DMTF1: variants seen among roughly 807,000 people sequenced by gnomAD.
DMTF1 encodes cyclin-D-binding Myb-like transcription factor 1.
A neutral mutation model predicts 91.1 loss-of-function variants in DMTF1; 39 were observed. The ratio of observed to expected loss-of-function variants is 0.43; its 90% CI spans 0.33 to 0.56. DMTF1 has a LOEUF of 0.56. Ranked by LOEUF, DMTF1 falls within the 20% of genes least tolerant of loss-of-function variation. DMTF1 has a pLI of 0.05. For synonymous variants in DMTF1, 338 were observed against 309.5 expected (o/e 1.09, Z -0.97); for missense variants, 750 against 914.5 (o/e 0.82, Z 2.32).
intron 7 of DMTF1, 21 bp from the exon 8 acceptor site, chr7:87,179,524 A>G (rs1373268754): frequency 6.7e-7 from 1 of 1,485,668 alleles, no homozygotes; most frequent in Non-Finnish European, 8.9e-7. Flanking sequence ...TCCCTAAATC[A>G]AAGAAATGTA....
At chr7:87,164,350 A>G (rs1013540543) in intron 2 of DMTF1, 1 of 152,172 alleles carries the variant, frequency 6.6e-6, no homozygotes, top group Admixed American at 6.5e-5. Context: ...ACTTTGAACG[A>G]TGTTCAAAGT....
At chr7:87,194,650 T>G in intron 16 of DMTF1, 34 bp from the exon 17 acceptor site, 1 of 1,518,592 alleles carries the variant, frequency 6.6e-7, no homozygotes. Flanking sequence ...CTAGTAAGAA[T>G]ATGAGTCAAT....
Position 87,195,190 on chromosome 7 carries a change from TACAACCTCTTC to T in DMTF1, c.*52_*62del, listed in dbSNP as rs1801007702. On this transcript the variant is annotated 3_prime_UTR_variant, in exon 18 of 18. Coordinates refer to ENST00000331242, the MANE Select transcript of DMTF1 (RefSeq NM_001142327.2). ...CAAGCAAAGAAGGCACACTGTTAATTACAACCTCTTCAAAGAAATAGGAGCAACCCCCAAGA... is the reference window on the plus strand; with the variant it reads ...CAAGCAAAGAAGGCACACTGTTAATTAAAGAAATAGGAGCAACCCCCAAGA... 3 of 1,317,468 alleles carry T rather than the reference TACAACCTCTTC, an allele frequency of 2.3e-6. No individual in the cohort carries two copies. The highest frequency in any genetic ancestry group is 3.3e-6 in the Non-Finnish European group (3 of 919,744). 81.6% of individuals were successfully genotyped at this position (1,317,468 alleles called of 1,614,324 possible).
At chr7:87,169,444 C>T (rs1463621137) in intron 4 of DMTF1, among the ~76,000 whole-genome samples, 1 of 152,168 alleles carries the variant, frequency 6.6e-6, no homozygotes, top group Admixed American at 6.5e-5. Flanking sequence ...GGCAACAGAA[C>T]AAGATCCTGT....
In DMTF1 at chr7:87,182,042, T is replaced by G. The variant is rs768839137; in HGVS notation, c.711-186T>G. ...GAAAAAGGCAATTGCTGCCTGTTTTTTTTTCACCCACAGACAACTGTGGAC... is the reference window on the plus strand; with the variant it reads ...GAAAAAGGCAATTGCTGCCTGTTTTGTTTTCACCCACAGACAACTGTGGAC... On this transcript the variant is annotated intron_variant, in intron 9 of 17. Coordinates refer to ENST00000331242, the MANE Select transcript of DMTF1 (RefSeq NM_001142327.2). The G allele has an allele frequency of 2.0e-6, 3 of 1,531,674 alleles. No individual in the cohort carries two copies. The South Asian group carries it at 3.6e-5, about 19-fold the overall frequency. The allele number at this position is 1,531,674 out of a possible 1,614,324, so 94.9% of individuals were successfully genotyped here.
At chr7:87,176,305 C>A (rs1192093830) in intron 7 of DMTF1, among the ~76,000 whole-genome samples, 1 of 152,168 alleles carries the variant, frequency 6.6e-6, no homozygotes, top group Non-Finnish European at 1.5e-5. Flanking sequence ...GAAAATGAAT[C>A]CAGAAGTGTA....
chr7:87,184,899 C>T, intron 11 of DMTF1: 1 of 546,234 alleles, frequency 1.8e-6, no homozygotes, highest in East Asian at 4.3e-5. Context: ...ACAGGTATGG[C>T]ACAGGCAGCG....
At chr7:87,153,272 G>A (rs781731049) in intron 1 of DMTF1, among the ~76,000 whole-genome samples, 17 of 152,170 alleles carry the variant, frequency 1.1e-4, no homozygotes, top group Non-Finnish European at 2.1e-4. Flanking sequence ...CGCGGGGACA[G>A]TCCTGGTGGA....
chr7:87,190,196 C>T (rs1799426050), intron 13 of DMTF1, among the ~76,000 whole-genome samples: 1 of 151,978 alleles, frequency 6.6e-6, no homozygotes, highest in African/African-American at 2.4e-5. Flanking sequence ...ACTGTCTGAT[C>T]TTTATTCAGT....
At chr7:87,186,042 T>G (rs1349254487) in intron 12 of DMTF1, 62 bp downstream of exon 12, 1 of 1,576,140 alleles carries the variant, frequency 6.3e-7, no homozygotes, top group Non-Finnish European at 8.7e-7. Context: ...TCCTTAGGAG[T>G]GAGAGGTTAG....
chr7:87,180,464 T>C (rs1310324722), intron 8 of DMTF1, among the ~76,000 whole-genome samples: 1 of 152,234 alleles, frequency 6.6e-6, no homozygotes, highest in African/African-American at 2.4e-5. Flanking sequence ...CGTTTCATAA[T>C]TATTAAATGG....
At chr7:87,176,581 T>C (rs1234395591) in intron 7 of DMTF1, among the ~76,000 whole-genome samples, 1 of 152,146 alleles carries the variant, frequency 6.6e-6, no homozygotes, top group East Asian at 1.9e-4. Context: ...GTGGTAGAAA[T>C]AGAATTGGTA....
intron 7 of DMTF1, 59 bp downstream of exon 7, chr7:87,174,728 T>C (rs545349795): frequency 5.0e-6 from 6 of 1,211,428 alleles, no homozygotes; most frequent in Admixed American, 1.8e-5. Flanking sequence ...TGCAAAAATA[T>C]CAACACAGAA....
chr7:87,166,744 A>G, intron 4 of DMTF1, 139 bp downstream of exon 4: 3 of 801,456 alleles, frequency 3.7e-6, no homozygotes, highest in Non-Finnish European at 6.2e-6. Flanking sequence ...CTTTTTAGCT[A>G]ACAATAAATA....
chr7:87,186,292 T>G (rs1798414013), intron 12 of DMTF1: 1 of 285,688 alleles, frequency 3.5e-6, no homozygotes, highest in African/African-American at 2.2e-5. Flanking sequence ...TCTAGCTTGG[T>G]TGTCCAGGCC....
At chr7:87,193,152 A>G (rs1202804025) in intron 14 of DMTF1, 46 bp from the exon 15 acceptor site, 4 of 1,603,488 alleles carry the variant, frequency 2.5e-6, no homozygotes, top group Admixed American at 1.7e-5. Context: ...TTTGTATATA[A>G]AAGTAGACTT....
chr7:87,163,263 G>C (rs745836579), intron 1 of DMTF1: 1 of 150,108 alleles, frequency 6.7e-6, no homozygotes, highest in African/African-American at 2.5e-5. Flanking sequence ...CCTGATGAGA[G>C]CCACTTGGGT....
chr7:87,179,702 A>G lies in DMTF1; in HGVS notation c.677A>G (p.Lys226Arg). Residue 226 changes from lysine (K) to arginine (R), a missense_variant and splice_region_variant, in exon 8 of 18, where the codon AAA becomes AGA. Physicochemically the swap from Lys to Arg is conservative, Grantham distance 26 (BLOSUM62 2). This residue lies in a region of DMTF1 where 190 missense variants were observed against 343.8 expected (regional missense o/e 0.55). Coordinates refer to ENST00000331242, the MANE Select transcript of DMTF1 (RefSeq NM_001142327.2). ...TATGATGACAGAAACCATGTGGGAA[A>G]GTATGAGAACTTGTAATGCTGCATG... ...RMYDDRNHVG[K>R]YTPEEIEKLK... 6.4e-7 allele frequency: 1 copy of G among 1,568,450 alleles called. No homozygotes were observed. Among genetic ancestry groups the G allele is most frequent in the African/African-American group, 1.4e-5 (1 of 71,944 alleles).
At chr7:87,181,280 AT>A (rs1797321321) in intron 8 of DMTF1, 28 bp from the exon 9 acceptor site, 1 of 1,098,982 alleles carries the variant, frequency 9.1e-7, no homozygotes, top group South Asian at 1.4e-5. Context: ...GTTTTAATTG[AT>A]TTTTTAAAAA....
Sources: gnomAD v4.1 joint callset for allele counts (sites outside exome capture counted in the v4.1 genomes callset) on GRCh38, gnomAD v4.1.1 for gene constraint, gnomAD v4.1.1 regional missense constraint, MANE v1.5 for transcripts, NCBI Gene and HGNC (gene_info 2026-07-23, HGNC 2026-07-21) for gene names.